Variants in EPN2 observed in about 807,000 individuals in gnomAD.
EPN2 encodes the protein epsin-2.
EPN2 carries 34 observed loss-of-function variants against 61.7 expected under a neutral mutation model. The observed-to-expected ratio is 0.55, with a 90% CI of 0.42 to 0.73. EPN2 has a LOEUF of 0.73. EPN2 is among the 30% of genes least tolerant of loss of function. The probability of loss-of-function intolerance (pLI) is 0.00; values close to 1 mark genes in which losing one functional copy is unlikely to be tolerated. For missense variants in EPN2, 714 were observed against 839.2 expected (o/e 0.85, Z 1.84); for synonymous variants, 349 against 353.6 (o/e 0.99, Z 0.15).
At chr17:19,254,874 C>T (rs919088040) in intron 1 of EPN2, among the ~76,000 whole-genome samples, 1 of 152,156 alleles carries the variant, frequency 6.6e-6, no homozygotes, top group Non-Finnish European at 1.5e-5. Flanking sequence ...TTATGTACCT[C>T]AGCGACATAG....
Position 19,279,176 on chromosome 17 carries a change from C to G in EPN2, c.-293-2779C>G, listed in dbSNP as rs192285547. 3.6e-4 allele frequency among the ~76,000 whole-genome samples: 55 copies of G among 152,292 alleles called. 1 individual carries two copies. Among genetic ancestry groups the G allele is most frequent in the Middle Eastern group, 3.4e-3 (1 of 294 alleles). ...AAGCCCCTGCCTTGGTCAACAGCCC[C>G]TGTTTCTTAATTGTTTGGAGTTCCT... On this transcript the variant is annotated intron_variant, in intron 1 of 10. Transcript: ENST00000314728.
intron 1 of EPN2, among the ~76,000 whole-genome samples, chr17:19,241,342 T>A (rs1175222747): frequency 6.6e-6 from 1 of 152,174 alleles, no homozygotes; most frequent in African/African-American, 2.4e-5. Context: ...TCCAGCACTT[T>A]GGGAGGCCAA....
chr17:19,327,571 G>A (rs1003355260), intron 7 of EPN2, among the ~76,000 whole-genome samples: 5 of 152,170 alleles, frequency 3.3e-5, no homozygotes, highest in African/African-American at 1.2e-4. Flanking sequence ...TACTTGGGAG[G>A]CGGCGGTGGG....
intron 4 of EPN2, chr17:19,308,406 A>T (rs1024742311): frequency 4.7e-4 from 460 of 985,444 alleles, no homozygotes; most frequent in Non-Finnish European, 3.7e-4. Context: ...CCCGTTAACC[A>T]TGAAATTGAA....
In EPN2 at chr17:19,329,376, C is replaced by T. The variant is rs1200084510; in HGVS notation, c.1325-185C>T. 1.1e-5 allele frequency: 6 copies of T among 547,342 alleles called. No individual in the cohort carries two copies. The East Asian group carries it at 1.8e-4, about 16-fold the overall frequency. 33.9% of individuals were successfully genotyped at this position (547,342 alleles called of 1,614,324 possible). ...CTGGGAGGCCAGGCTCCCTGTCTCC[C>T]CTCCCAGCGTGCTGGTGACCCCAGG... On this transcript the variant is annotated intron_variant, in intron 8 of 10. Transcript: ENST00000314728.
At chr17:19,241,000 C>T (rs770576298) in intron 1 of EPN2, among the ~76,000 whole-genome samples, 10 of 152,206 alleles carry the variant, frequency 6.6e-5, no homozygotes, top group Non-Finnish European at 1.5e-4. Flanking sequence ...GGTTTATCCA[C>T]CTCATCTGCA....
At chr17:19,267,966 A>G (rs2045216779) in intron 1 of EPN2, among the ~76,000 whole-genome samples, 1 of 152,232 alleles carries the variant, frequency 6.6e-6, no homozygotes, top group South Asian at 2.1e-4. Context: ...TTGAAGGTGA[A>G]CAACTCAATT....
rs1182989127 is a variant in EPN2, at chr17:19,295,362, A to ACGCGCGCG, written c.766+9573_766+9574insGCGCGCGC. On this transcript the variant is annotated intron_variant, in intron 4 of 10. Coordinates refer to ENST00000314728, the MANE Select transcript of EPN2 (RefSeq NM_014964.5). ...AAAATACACACACACACACACACAC[A>ACGCGCGCG]CACACGCGCGTGCGCGCAAAATAGC... 5.4e-3 allele frequency among the ~76,000 whole-genome samples: 387 copies of ACGCGCGCG among 71,028 alleles called. 2 individuals are homozygous for ACGCGCGCG. Among genetic ancestry groups the ACGCGCGCG allele is most frequent in the Middle Eastern group, 0.014 (2 of 138 alleles). 46.6% of individuals were successfully genotyped at this position (71,028 alleles called of 152,430 possible).
chr17:19,307,564 C>G (rs910668087), intron 4 of EPN2, among the ~76,000 whole-genome samples: 1 of 152,182 alleles, frequency 6.6e-6, no homozygotes, highest in Admixed American at 6.5e-5. Flanking sequence ...AGAATGGTCT[C>G]GATCTCCTGA....
chr17:19,283,634 C>T lies in EPN2; in HGVS notation c.515C>T (p.Ser172Phe). The T allele has an allele frequency of 1.9e-6, 3 of 1,613,908 alleles. No homozygotes were observed. The highest frequency in any genetic ancestry group is 1.1e-5 in the South Asian group (1 of 91,090). The stretch of plus-strand genomic sequence containing the variant: ...AACCAGATCACCTTTGGGCGAGGCT[C>T]CAGCCAGCCCAACCTCTCCACCAGC... Reference protein sequence around the residue: ...GSNQITFGRGSSQPNLSTSHS... With the variant: ...GSNQITFGRGFSQPNLSTSHS... The change falls in exon 3 of 11, where the codon TCC becomes TTC. Residue 172 changes from serine (S) to phenylalanine (F), a missense_variant. Coordinates refer to ENST00000314728, the MANE Select transcript of EPN2 (RefSeq NM_014964.5). This position sits in a 1 kb window ranked among gnomAD's most constrained non-coding sequence, Gnocchi z 7.0.
intron 1 of EPN2, among the ~76,000 whole-genome samples, chr17:19,280,964 G>A (rs563685097): frequency 6.6e-6 from 1 of 152,104 alleles, no homozygotes; most frequent in African/African-American, 2.4e-5. Flanking sequence ...ATAACTCAGC[G>A]AAATTGACTT....
rs1053441548 is a variant in EPN2, at chr17:19,308,580, G to A, written c.767-1305G>A. ...AGGATGGAGGGGAAGGACCAGGTCC[G>A]GGAAGCCGAGCTCTGACTACAAAAG... On this transcript the variant is annotated intron_variant, in intron 4 of 10. Transcript: ENST00000314728. The A allele has an allele frequency of 4.9e-5, 48 of 985,330 alleles. No individual in the cohort carries two copies. The African/African-American group carries it at 5.9e-4, about 12-fold the overall frequency. 61.0% of individuals were successfully genotyped at this position (985,330 alleles called of 1,614,324 possible).
intron 1 of EPN2, among the ~76,000 whole-genome samples, chr17:19,242,036 T>G (rs2044890001): frequency 6.6e-6 from 1 of 152,188 alleles, no homozygotes; most frequent in African/African-American, 2.4e-5. Context: ...TTTCTGGCTC[T>G]TTCCTAACCT....
In EPN2 at chr17:19,300,210, TAGG is replaced by T. The variant is rs1387453616; in HGVS notation, c.767-9672_767-9670del. Reference sequence around the variant, plus strand: ...AGTTTCTTAGAAAGAAACAGGGACTTAGGAGCAGAAGCCATGTTTCTCTCAGGA... The same window carrying T: ...AGTTTCTTAGAAAGAAACAGGGACTTAGCAGAAGCCATGTTTCTCTCAGGA... On this transcript the variant is annotated intron_variant, in intron 4 of 10. Transcript: ENST00000314728. 2.6e-5 allele frequency among the ~76,000 whole-genome samples: 4 copies of T among 152,018 alleles called. 1 individual carries two copies. Among genetic ancestry groups the T allele is most frequent in the South Asian group, 4.1e-4 (2 of 4,824 alleles).
intron 4 of EPN2, among the ~76,000 whole-genome samples, chr17:19,288,885 T>C (rs1212465704): frequency 6.6e-6 from 1 of 152,046 alleles, no homozygotes; most frequent in African/African-American, 2.4e-5. Flanking sequence ...ATGTCAGAAA[T>C]TTCTTTGACT....
intron 1 of EPN2, among the ~76,000 whole-genome samples, chr17:19,239,973 G>A (rs2044865403): frequency 6.6e-6 from 1 of 151,366 alleles, no homozygotes; most frequent in African/African-American, 2.4e-5. Context: ...AAGTTGAAAA[G>A]TTTTCGGACT....
At chr17:19,261,985 C>T (rs188243201) in intron 1 of EPN2, among the ~76,000 whole-genome samples, 16 of 152,208 alleles carry the variant, frequency 1.1e-4, no homozygotes, top group East Asian at 7.7e-4. Context: ...GTCAGGAGTT[C>T]GAGACCAGCC....
At chr17:19,304,509 C>T (rs1180866064) in intron 4 of EPN2, among the ~76,000 whole-genome samples, 1 of 152,196 alleles carries the variant, frequency 6.6e-6, no homozygotes, top group Non-Finnish European at 1.5e-5. Flanking sequence ...AAGGGCCACG[C>T]TTTCTGTGTG....
intron 1 of EPN2, among the ~76,000 whole-genome samples, chr17:19,272,672 A>G (rs2045266774): frequency 6.6e-6 from 1 of 150,810 alleles, no homozygotes; most frequent in South Asian, 2.1e-4. Context: ...TTTTGGCATG[A>G]TTTTTAAAAG....
Sources: gnomAD v4.1 joint callset for allele counts (sites outside exome capture counted in the v4.1 genomes callset) on GRCh38, gnomAD v4.1.1 for gene constraint, Gnocchi (gnomAD v3.1) non-coding constraint, MANE v1.5 for transcripts, NCBI Gene and HGNC (gene_info 2026-07-23, HGNC 2026-07-21) for gene names.